STRN: variants seen among roughly 807,000 people sequenced by gnomAD.
STRN encodes striatin.
STRN carries 53 observed loss-of-function variants against 96.3 expected under a neutral mutation model. The ratio of observed to expected loss-of-function variants is 0.55; its 90% confidence interval spans 0.44 to 0.69. The LOEUF (loss-of-function observed/expected upper bound fraction) is 0.69, where lower values mean the gene tolerates loss of function less well. Among genes scored for constraint, STRN ranks in the 30% least tolerant of loss-of-function variants. The pLI is 0.00. For missense variants in STRN, 987 were observed against 963.9 expected (o/e 1.02, Z -0.32); for synonymous variants, 428 against 355.9 (o/e 1.20, Z -2.28).
intron 1 of STRN, among the ~76,000 whole-genome samples, chr2:36,935,203 C>T (rs903302846): frequency 3.9e-5 from 6 of 152,234 alleles, no homozygotes; most frequent in African/African-American, 1.4e-4. Flanking sequence ...TCTCCTACCT[C>T]TCCAAATGCC....
intron 2 of STRN, among the ~76,000 whole-genome samples, chr2:36,918,770 CTTTT>C (rs1670174057): frequency 6.6e-6 from 1 of 152,106 alleles, no homozygotes; most frequent in African/African-American, 2.4e-5. Context: ...AATAGCATTC[CTTTT>C]TAAGTCAATA....
chr2:36,918,474 G>A (rs1244512606), intron 2 of STRN, among the ~76,000 whole-genome samples: 2 of 151,620 alleles, frequency 1.3e-5, no homozygotes, highest in Non-Finnish European at 2.9e-5. Flanking sequence ...ATATATAAAA[G>A]AAAAACATTT....
intron 1 of STRN, among the ~76,000 whole-genome samples, chr2:36,930,475 T>C (rs994698542): frequency 6.6e-6 from 1 of 151,634 alleles, no homozygotes; most frequent in Non-Finnish European, 1.5e-5. Context: ...GACATCAAAC[T>C]TTACCATCAG....
At chr2:36,872,005 T>C (rs1443134093) in intron 10 of STRN, among the ~76,000 whole-genome samples, 1 of 152,244 alleles carries the variant, frequency 6.6e-6, no homozygotes, top group Non-Finnish European at 1.5e-5. Flanking sequence ...AGTTGAATCA[T>C]GTCTGCTCTT....
At chr2:36,849,961 C>CT (rs1326478801) in intron 16 of STRN, among the ~76,000 whole-genome samples, 161 bp from the exon 17 acceptor site, 2 of 152,156 alleles carry the variant, frequency 1.3e-5, no homozygotes, top group Non-Finnish European at 2.9e-5. Flanking sequence ...CCTCTTGCCT[C>CT]TAGTCATGGC....
chr2:36,878,415 T>C (rs928533140), intron 9 of STRN, among the ~76,000 whole-genome samples: 2 of 152,222 alleles, frequency 1.3e-5, no homozygotes, highest in Non-Finnish European at 2.9e-5. Context: ...CAAAATATAA[T>C]TCATTAATTT....
At chr2:36,920,216 T>G (rs1466536231) in intron 2 of STRN, among the ~76,000 whole-genome samples, 1 of 152,224 alleles carries the variant, frequency 6.6e-6, no homozygotes, top group Non-Finnish European at 1.5e-5. Context: ...CAAATTTTCC[T>G]CAATAATTTT....
chr2:36,876,475 AG>A (rs928448767), intron 10 of STRN, among the ~76,000 whole-genome samples: 9 of 152,042 alleles, frequency 5.9e-5, no homozygotes, highest in Admixed American at 5.9e-4. Context: ...CTTAGCAAAC[AG>A]GTTGGGAGTT....
intron 1 of STRN, among the ~76,000 whole-genome samples, chr2:36,941,716 A>ATTTTTTTTTTTTTTTTTTT (rs34746648): frequency 7.4e-6 from 1 of 134,850 alleles, no homozygotes; most frequent in African/African-American, 2.8e-5. Context: ...CACCCAGCTA[A>ATTTTTTTTTTTTTTTTTTT]TTTTTTTTTT....
At chr2:36,950,107 T>C (rs896844086) in intron 1 of STRN, among the ~76,000 whole-genome samples, 1 of 151,824 alleles carries the variant, frequency 6.6e-6, no homozygotes, top group Non-Finnish European at 1.5e-5. Flanking sequence ...TTCAGAGAAA[T>C]TCAGAGTAAA....
chr2:36,864,089 A>G (rs1668562233), intron 12 of STRN, among the ~76,000 whole-genome samples: 1 of 152,192 alleles, frequency 6.6e-6, no homozygotes, highest in Non-Finnish European at 1.5e-5. Flanking sequence ...GTATAAAATT[A>G]TATTGTCTGC....
At chr2:36,957,988 T>C (rs62133068) in intron 1 of STRN, among the ~76,000 whole-genome samples, 63,093 of 147,560 alleles carry the variant, frequency 0.43, 14,065 homozygotes, top group East Asian at 0.65. Flanking sequence ...GGCGCGATCT[T>C]GGCTCACTGC....
Position 36,905,566 on chromosome 2 carries a change from C to T in STRN, c.465G>A (p.Trp155Ter). 6.2e-7 allele frequency: 1 copy of T among 1,613,712 alleles called. No individual in the cohort carries two copies. The highest frequency in any genetic ancestry group is 8.5e-7 in the Non-Finnish European group (1 of 1,179,890). Residue 155 changes from tryptophan to a stop codon, truncating the protein, a stop_gained, in exon 4 of 18, where the codon TGG (tryptophan) becomes TGA (stop). Transcript: ENST00000263918. LOFTEE classifies it high-confidence loss of function. ...GTCTGAGTAGTTGTCGACCTTGTTT[C>T]CACATTAACTGGCTGTTTTGTTGTG... is the stretch of plus-strand genomic sequence containing the variant. The part of the protein sequence containing the change: ...VQPQQNSQLM[W>*]KQGRQLLRQY...
chr2:36,937,354 A>AAAAAG (rs1558660894), intron 1 of STRN, among the ~76,000 whole-genome samples: 3 of 150,396 alleles, frequency 2.0e-5, no homozygotes, highest in Non-Finnish European at 4.4e-5. Flanking sequence ...AAAAAAAAAA[A>AAAAAG]AAAAGAAAAG....
intron 9 of STRN, 34 bp downstream of exon 9, chr2:36,883,898 G>T: frequency 7.6e-7 from 1 of 1,316,918 alleles, no homozygotes. Context: ...ACATCCAAGT[G>T]CATTTTGTGC....
chr2:36,957,744 CTTTT>C (rs1159531782), intron 1 of STRN, among the ~76,000 whole-genome samples: 2 of 89,192 alleles, frequency 2.2e-5, no homozygotes, highest in East Asian at 1.1e-3. Flanking sequence ...TTCTTTTTGT[CTTTT>C]TTTTTTTTTT....
chr2:36,878,085 T>A (rs1262866212), intron 9 of STRN, 58 bp from the exon 10 acceptor site: 34 of 1,585,432 alleles, frequency 2.1e-5, no homozygotes, highest in Non-Finnish European at 2.9e-5. Context: ...ACATTTAGTC[T>A]CATTTGCTTG....
At chr2:36,867,773 C>A in intron 12 of STRN, 41 bp downstream of exon 12, 1 of 1,340,202 alleles carries the variant, frequency 7.5e-7, no homozygotes, top group Non-Finnish European at 1.0e-6. Flanking sequence ...GGCTATTTTA[C>A]AGAGATATCG....
At chr2:36,930,041 C>T (rs1216464690) in intron 1 of STRN, among the ~76,000 whole-genome samples, 1 of 152,054 alleles carries the variant, frequency 6.6e-6, no homozygotes, top group Non-Finnish European at 1.5e-5. Flanking sequence ...ATATCTATTC[C>T]CTCTGAAAAG....
Sources: allele counts gnomAD v4.1 joint callset (sites outside exome capture counted in the v4.1 genomes callset), GRCh38; gene constraint gnomAD v4.1.1; transcripts MANE v1.5; gene names NCBI Gene and HGNC (gene_info 2026-07-23, HGNC 2026-07-21).